The following ZSCAN25 variants were observed in gnomAD, a reference collection of about 807,000 sequenced individuals.
ZSCAN25 encodes zinc finger and SCAN domain containing 25, also known as zinc finger and SCAN domain-containing protein 25.
Under a neutral mutation model 38.7 loss-of-function variants are expected in ZSCAN25, and 27 were observed. The observed-to-expected ratio is 0.70, with a 90% confidence interval of 0.51 to 0.96. ZSCAN25 has a LOEUF of 0.96. ZSCAN25 is among the 40% of genes least tolerant of loss of function. ZSCAN25 has a pLI of 0.00. For missense variants in ZSCAN25, 637 were observed against 705.9 expected (o/e 0.90, Z 1.11); for synonymous variants, 273 against 277.7 (o/e 0.98, Z 0.17).
the ZSCAN25 span, among the ~76,000 whole-genome samples, chr7:99,680,724 G>C: frequency 1.3e-5 from 2 of 152,214 alleles, no homozygotes; most frequent in Non-Finnish European, 2.9e-5. Context: ...CTCAAATGCA[G>C]CCACACTGTG....
At chr7:99,707,316 G>A in the ZSCAN25 span, among the ~76,000 whole-genome samples, 1 of 152,126 alleles carries the variant, frequency 6.6e-6, no homozygotes, top group Non-Finnish European at 1.5e-5. Context: ...AGCTTTTAAA[G>A]CCACACTCTG....
the ZSCAN25 span, chr7:99,707,894 A>G: frequency 6.2e-7 from 1 of 1,614,040 alleles, no homozygotes; most frequent in Non-Finnish European, 8.5e-7. Context: ...AGCAAACCTC[A>G]TGCCAATGCA....
At chr7:99,618,331 G>A (rs1806647433) in intron 1 of ZSCAN25, 194 bp from the exon 2 acceptor site, 1 of 151,818 alleles carries the variant, frequency 6.6e-6, no homozygotes, top group African/African-American at 2.4e-5. Flanking sequence ...CATGTATTTT[G>A]GGAGGCAGTT....
the ZSCAN25 span, chr7:99,660,141 C>T: frequency 4.0e-5 from 32 of 802,818 alleles, no homozygotes; most frequent in Non-Finnish European, 4.7e-5. Flanking sequence ...AGAAATCATT[C>T]GTCTTCTGTG....
the ZSCAN25 span, chr7:99,663,187 C>T: frequency 8.9e-7 from 1 of 1,128,162 alleles, no homozygotes; most frequent in African/African-American, 1.6e-5. Context: ...CCGGTTCCAT[C>T]TCTGGTCATA....
At chr7:99,636,002 G>A (rs570996522), downstream of ZSCAN25, among the ~76,000 whole-genome samples, 47 of 140,496 alleles carry the variant, frequency 3.3e-4, no homozygotes, top group Non-Finnish European at 5.3e-4. Flanking sequence ...AGTGGAGATC[G>A]CGCCACTGCA....
chr7:99,708,719 C>G, the ZSCAN25 span, among the ~76,000 whole-genome samples: 1 of 152,090 alleles, frequency 6.6e-6, no homozygotes, highest in Non-Finnish European at 1.5e-5. Context: ...AAAAAATATT[C>G]ATTTGTGGGA....
the ZSCAN25 span, among the ~76,000 whole-genome samples, chr7:99,646,797 TACACACAC>T: frequency 4.3e-3 from 618 of 142,160 alleles, 2 homozygotes; most frequent in Non-Finnish European, 4.0e-3. Context: ...ATATGTTTTA[TACACACAC>T]ACACACACAC....
chr7:99,663,241 C>T, the ZSCAN25 span: 1 of 1,053,414 alleles, frequency 9.5e-7, no homozygotes, highest in South Asian at 3.3e-5. Context: ...ATTCTTCTAC[C>T]TTTTTCTTCA....
chr7:99,621,173 C>T (rs1406413980), intron 4 of ZSCAN25, 200 bp from the exon 5 acceptor site: 2 of 406,644 alleles, frequency 4.9e-6, no homozygotes, highest in African/African-American at 4.1e-5. Flanking sequence ...ATAAAAGTTG[C>T]TCAGGGCCTG....
chr7:99,640,574 A>G, the ZSCAN25 span, among the ~76,000 whole-genome samples: 1 of 152,166 alleles, frequency 6.6e-6, no homozygotes, highest in Non-Finnish European at 1.5e-5. Flanking sequence ...TTGAGCCACC[A>G]ATTGCAATTA....
chr7:99,685,940 AC>A, the ZSCAN25 span, among the ~76,000 whole-genome samples: 19 of 151,966 alleles, frequency 1.3e-4, no homozygotes, highest in African/African-American at 4.4e-4. Flanking sequence ...ATTGTCTCAG[AC>A]CCTCTAATAT....
the ZSCAN25 span, chr7:99,711,028 G>A: frequency 3.5e-6 from 5 of 1,441,748 alleles, no homozygotes; most frequent in Admixed American, 4.0e-5. Flanking sequence ...CTCACTGGGG[G>A]TGGTTTCACT....
chr7:99,705,392 G>T, the ZSCAN25 span: 1 of 1,237,550 alleles, frequency 8.1e-7, no homozygotes, highest in Non-Finnish European at 1.2e-6. Context: ...GCAGCACATT[G>T]GATGAAGCCC....
intron 6 of ZSCAN25, among the ~76,000 whole-genome samples, chr7:99,623,742 C>G (rs534055871): frequency 6.6e-6 from 1 of 152,304 alleles, no homozygotes; most frequent in South Asian, 2.1e-4. Context: ...TTTATCACAG[C>G]CTTGTTCTTA....
chr7:99,705,679 G>A, the ZSCAN25 span: 1 of 1,519,898 alleles, frequency 6.6e-7, no homozygotes, highest in Non-Finnish European at 9.1e-7. Flanking sequence ...AAAAATTACT[G>A]ACAATAATGC....
In ZSCAN25 at chr7:99,620,374, A is replaced by C. The variant is rs117587976; in HGVS notation, c.387+381A>C. The stretch of plus-strand genomic sequence containing the variant: ...TCCCACCTGGGGAATATTTTTCCGG[A>C]AAAGGGTTGTCCATGGCAGTACTGT... On this transcript the variant is annotated intron_variant, in intron 4 of 7. Coordinates refer to ENST00000394152, the MANE Select transcript of ZSCAN25 (RefSeq NM_145115.3). The C allele has an allele frequency of 2.4e-3, 469 of 197,584 alleles. 1 individual carries two copies. Among genetic ancestry groups the C allele is most frequent in the Non-Finnish European group, 4.0e-3 (386 of 96,448 alleles). The allele number at this position is 197,584 out of a possible 1,614,324, so 12.2% of individuals were successfully genotyped here. A position where few individuals can be genotyped will look rare whatever the true frequency, so the allele number is the denominator to read the frequency against.
chr7:99,699,815 C>T, the ZSCAN25 span: 1 of 562,838 alleles, frequency 1.8e-6, no homozygotes, highest in East Asian at 3.1e-5. Flanking sequence ...TGCATAAGAT[C>T]AATAATAACC....
chr7:99,678,394 C>T, the ZSCAN25 span, among the ~76,000 whole-genome samples: 1 of 152,248 alleles, frequency 6.6e-6, no homozygotes, highest in Non-Finnish European at 1.5e-5. Flanking sequence ...GTCACTGGCT[C>T]ACAGTCTTGC....
Sources: gnomAD v4.1 joint callset for allele counts (sites outside exome capture counted in the v4.1 genomes callset) on GRCh38, gnomAD v4.1.1 for gene constraint, MANE v1.5 for transcripts, NCBI Gene and HGNC (gene_info 2026-07-23, HGNC 2026-07-21) for gene names.